PITPNM2: variants seen among roughly 807,000 people sequenced by gnomAD.
The protein encoded by PITPNM2 is membrane-associated phosphatidylinositol transfer protein 2.
A neutral mutation model predicts 132.2 loss-of-function variants in PITPNM2; 35 were observed. That is an observed-to-expected ratio of 0.26 (90% confidence interval 0.20 to 0.35). The LOEUF is 0.35. Ranked by LOEUF, PITPNM2 falls within the 10% of genes least tolerant of loss-of-function variation. The pLI is 1.00. For missense variants in PITPNM2, 1,332 were observed against 1,912.0 expected (o/e 0.70, Z 5.66); for synonymous variants, 738 against 799.2 (o/e 0.92, Z 1.29).
rs139205213 is a variant in PITPNM2 at position 123,079,350 on chromosome 12, CTTTTTTTT to C, written c.-96+31027_-96+31034del. Among the ~76,000 whole-genome samples, 20 of 53,834 alleles carry C rather than the reference CTTTTTTTT, an allele frequency of 3.7e-4. No homozygotes were observed. In the East Asian group the frequency reaches 6.3e-3, roughly 17 times the overall value. The allele number at this position is 53,834 out of a possible 152,430, so 35.3% of individuals were successfully genotyped here. On this transcript the variant is annotated intron_variant, in intron 2 of 25. Transcript: ENST00000320201. ...TTCACTTCTTTTTCTTTTTTCTTTT[CTTTTTTTT>C]TTTTTTTTTTTTTTTTTTTTTTGAG...
Position 123,004,348 on chromosome 12 carries a change from C to G in PITPNM2, c.1048+46G>C. On this transcript the variant is annotated intron_variant, in intron 8 of 25. Coordinates refer to ENST00000320201, the MANE Select transcript of PITPNM2 (RefSeq NM_020845.3). The surrounding 1 kb of genome is among the most constrained non-coding windows in gnomAD (Gnocchi z 4.9). ...CTAAGCCCTTTCAGACCCCTCCCCACCTCGCCCAGGAAGGCCCCAAGGACT... is the reference window on the plus strand; with the variant it reads ...CTAAGCCCTTTCAGACCCCTCCCCAGCTCGCCCAGGAAGGCCCCAAGGACT... The G allele has an allele frequency of 6.3e-7, 1 of 1,592,302 alleles. No homozygotes were observed. Among genetic ancestry groups the G allele is most frequent in the Non-Finnish European group, 8.6e-7 (1 of 1,161,598 alleles).
At chr12:123,059,959 A>G (rs1422550591) in intron 2 of PITPNM2, among the ~76,000 whole-genome samples, 1 of 152,160 alleles carries the variant, frequency 6.6e-6, no homozygotes, top group Non-Finnish European at 1.5e-5. Flanking sequence ...AACATGTTTA[A>G]GCTTACTGAA....
Position 122,987,881 on chromosome 12 carries a change from C to A in PITPNM2, c.3018G>T (p.Arg1006=), listed in dbSNP as rs750962780. The A allele has an allele frequency of 6.2e-7, 1 of 1,612,788 alleles. No individual in the cohort carries two copies. The highest frequency in any genetic ancestry group is 1.3e-5 in the African/African-American group (1 of 74,902). The change falls in exon 21 of 26, where the codon CGG becomes CGT. Residue 1006 remains arginine (R), a synonymous_variant. Transcript: ENST00000320201. ...CCTCATTGGCAAGGGCATCATTGAT[C>A]CGGTGGTTGGCCGTCACGTTCTGTG... ...VKLRNVTANH[R]INDALANEDG... is the part of the protein sequence containing the mutation.
At position 123,023,055 on chromosome 12, in the gene PITPNM2, C is replaced by T. The variant is rs2039728842; in HGVS notation, c.79-9013G>A. On this transcript the variant is annotated intron_variant, in intron 3 of 25. Coordinates refer to ENST00000320201, the MANE Select transcript of PITPNM2 (RefSeq NM_020845.3). This position sits in a 1 kb window ranked among gnomAD's most constrained non-coding sequence, Gnocchi z 4.8. ...AGCTTCTCCTGCCCATTAGCCCTGACATGGAATTTATTGCACAGCTGAATG... is the reference window on the plus strand; with the variant it reads ...AGCTTCTCCTGCCCATTAGCCCTGATATGGAATTTATTGCACAGCTGAATG... Among the ~76,000 whole-genome samples, 3 of 152,248 alleles carry T rather than the reference C, an allele frequency of 2.0e-5. No homozygotes were observed. The highest frequency in any genetic ancestry group is 7.2e-5 in the African/African-American group (3 of 41,468).
chr12:123,027,935 C>T (rs1039540333), intron 3 of PITPNM2, among the ~76,000 whole-genome samples: 3 of 152,218 alleles, frequency 2.0e-5, no homozygotes, highest in Admixed American at 6.5e-5. Context: ...AAGCTCTTCT[C>T]GAATCACTCT....
chr12:122,987,987 G>A, intron 20 of PITPNM2, 86 bp from the exon 21 acceptor site: 1 of 1,260,644 alleles, frequency 7.9e-7, no homozygotes, highest in South Asian at 1.4e-5. Flanking sequence ...GGGCCTGAGG[G>A]GCAGGCTTGA....
rs2038249826 is a variant in PITPNM2, at chr12:122,992,736, T to A, written c.2234-67A>T. On this transcript the variant is annotated intron_variant, in intron 15 of 25. Transcript: ENST00000320201. This position sits in a 1 kb window ranked among gnomAD's most constrained non-coding sequence, Gnocchi z 6.5. ...GAGGAGCAGTGGTGGGGGTGGGAAA[T>A]TTGGGAACTGGGCACTGGGTTGTCT... 2 of 1,297,900 alleles carry A rather than the reference T, an allele frequency of 1.5e-6. No individual in the cohort carries two copies. Among genetic ancestry groups the A allele is most frequent in the Non-Finnish European group, 1.1e-6 (1 of 946,500 alleles). The allele number at this position is 1,297,900 out of a possible 1,614,324, so 80.4% of individuals were successfully genotyped here.
At chr12:122,987,955 C>G (rs2038010094) in intron 20 of PITPNM2, 54 bp from the exon 21 acceptor site, 7 of 1,485,830 alleles carry the variant, frequency 4.7e-6, no homozygotes, top group Non-Finnish European at 6.5e-6. Flanking sequence ...CCCCGGGTCC[C>G]TGTGTTCTGC....
chr12:123,086,057 C>T (rs1240370804), intron 2 of PITPNM2, among the ~76,000 whole-genome samples: 2 of 152,234 alleles, frequency 1.3e-5, no homozygotes, highest in African/African-American at 2.4e-5. Flanking sequence ...CCCGATATTC[C>T]GTAACCTGCT....
chr12:123,001,420 C>T (rs773984666), intron 8 of PITPNM2, among the ~76,000 whole-genome samples: 7 of 152,270 alleles, frequency 4.6e-5, no homozygotes, highest in Non-Finnish European at 8.8e-5. Flanking sequence ...TCCAGAACAT[C>T]TCACCTCCCT....
At chr12:123,055,838 C>T (rs2136699959) in intron 2 of PITPNM2, among the ~76,000 whole-genome samples, 1 of 152,172 alleles carries the variant, frequency 6.6e-6, no homozygotes, top group African/African-American at 2.4e-5. Flanking sequence ...CGGTGACTCC[C>T]CACAAGCCCC....
chr12:122,989,951 G>A lies in PITPNM2; in HGVS notation c.2570-3C>T. 7.7e-7 allele frequency: 1 copy of A among 1,302,494 alleles called. No individual in the cohort carries two copies. Among genetic ancestry groups the A allele is most frequent in the Non-Finnish European group, 9.8e-7 (1 of 1,021,162 alleles). The allele number at this position is 1,302,494 out of a possible 1,614,324, so 80.7% of individuals were successfully genotyped here. ...ATGGCTGAGCGCATCGGGGGCCTCT[G>A]AGAAGCAAGAGCAATGGATGGCTCA... On this transcript the variant is annotated splice_region_variant and splice_polypyrimidine_tract_variant and intron_variant, in intron 17 of 25. Coordinates refer to ENST00000320201, the MANE Select transcript of PITPNM2 (RefSeq NM_020845.3).
intron 2 of PITPNM2, among the ~76,000 whole-genome samples, chr12:123,079,797 A>G (rs2041904224): frequency 6.6e-6 from 1 of 152,168 alleles, no homozygotes; most frequent in Non-Finnish European, 1.5e-5. Context: ...AAAATTTACC[A>G]TTTTAACCAT....
chr12:123,137,085 CA>C lies in PITPNM2; in HGVS notation c.-200+13667del, dbSNP rs1463862342. 9.2e-5 allele frequency among the ~76,000 whole-genome samples: 14 copies of C among 152,284 alleles called. No individual in the cohort carries two copies. In the South Asian group the frequency reaches 1.9e-3, roughly 20 times the overall value. On this transcript the variant is annotated intron_variant, in intron 1 of 25. Transcript: ENST00000320201. ...AGGGCAAGTGTGACTTCGTGAATGCCAGACTGACTTTCCGCTCTGAGCCAGC... is the reference window on the plus strand; with the variant it reads ...AGGGCAAGTGTGACTTCGTGAATGCCGACTGACTTTCCGCTCTGAGCCAGC...
chr12:123,144,155 T>G (rs1410867138), intron 1 of PITPNM2, among the ~76,000 whole-genome samples: 3 of 152,356 alleles, frequency 2.0e-5, no homozygotes, highest in African/African-American at 7.2e-5. Flanking sequence ...ACATCCTCTA[T>G]CTTCCCATCT....
Position 123,023,393 on chromosome 12 carries a change from T to C in PITPNM2, c.79-9351A>G, listed in dbSNP as rs1026651385. Among the ~76,000 whole-genome samples the C allele has an allele frequency of 1.1e-4, 16 of 152,318 alleles. No homozygotes were observed. The highest frequency in any genetic ancestry group is 7.8e-4 in the Admixed American group (12 of 15,300). On this transcript the variant is annotated intron_variant, in intron 3 of 25. Coordinates refer to ENST00000320201, the MANE Select transcript of PITPNM2 (RefSeq NM_020845.3). This position sits in a 1 kb window ranked among gnomAD's most constrained non-coding sequence, Gnocchi z 4.8. ...AGGTGCACGTGACCAGAGCCATCTCTAGAGAAGGCAAAAAATGGAACCAGG... is the reference window on the plus strand; with the variant it reads ...AGGTGCACGTGACCAGAGCCATCTCCAGAGAAGGCAAAAAATGGAACCAGG...
In PITPNM2 at chr12:123,111,161, A is replaced by G. The variant is rs896431334; in HGVS notation, c.-199-673T>C. On this transcript the variant is annotated intron_variant, in intron 1 of 25. Coordinates refer to ENST00000320201, the MANE Select transcript of PITPNM2 (RefSeq NM_020845.3). The surrounding 1 kb of genome is among the most constrained non-coding windows in gnomAD (Gnocchi z 4.1). ...ACAGGTACCACTGAAGCCACTACCC[A>G]ACCCAGGGCTCCTACAGGGACCACA... 2.0e-5 allele frequency among the ~76,000 whole-genome samples: 3 copies of G among 152,228 alleles called. No individual in the cohort carries two copies. Among genetic ancestry groups the G allele is most frequent in the Non-Finnish European group, 4.4e-5 (3 of 68,040 alleles).
rs1183941967 is a variant in PITPNM2, at chr12:123,031,470, C to T, written c.78+3043G>A. 1.3e-5 allele frequency among the ~76,000 whole-genome samples: 2 copies of T among 152,212 alleles called. No individual in the cohort carries two copies. Among genetic ancestry groups the T allele is most frequent in the African/African-American group, 2.4e-5 (1 of 41,450 alleles). ...GAAACTTCCCAGTCAGTAGCTCTAG[C>T]AGGAACCTATGGCTTCCTGGTAACT... is the stretch of plus-strand genomic sequence containing the variant. On this transcript the variant is annotated intron_variant, in intron 3 of 25. Transcript: ENST00000320201. The surrounding 1 kb of genome is among the most constrained non-coding windows in gnomAD (Gnocchi z 4.5).
intron 3 of PITPNM2, among the ~76,000 whole-genome samples, chr12:123,026,077 T>C (rs2039853619): frequency 6.6e-6 from 1 of 152,224 alleles, no homozygotes; most frequent in African/African-American, 2.4e-5. Context: ...AGGTGCTCCG[T>C]AAATTCTTAT....
Sources: gnomAD v4.1 joint callset for allele counts (sites outside exome capture counted in the v4.1 genomes callset) on GRCh38, gnomAD v4.1.1 for gene constraint, Gnocchi (gnomAD v3.1) non-coding constraint, MANE v1.5 for transcripts, NCBI Gene and HGNC (gene_info 2026-07-23, HGNC 2026-07-21) for gene names.